Variants in SLIT3 observed in about 807,000 individuals in gnomAD.
The protein encoded by SLIT3 is slit guidance ligand 3, also known as slit homolog 3 protein.
Under a neutral mutation model 184.0 loss-of-function variants are expected in SLIT3, and 68 were observed. That is an observed-to-expected ratio of 0.37 (90% confidence interval 0.30 to 0.45). The LOEUF is 0.45. Among genes scored for constraint, SLIT3 ranks in the 20% least tolerant of loss-of-function variants. SLIT3 has a pLI of 1.00. For synonymous variants in SLIT3, 831 were observed against 828.6 expected (o/e 1.00, Z -0.05); for missense variants, 1,707 against 2,026.0 (o/e 0.84, Z 3.02).
chr5:169,195,570 A>T (rs1173838406), intron 3 of SLIT3, among the ~76,000 whole-genome samples: 1 of 152,232 alleles, frequency 6.6e-6, no homozygotes, highest in Admixed American at 6.5e-5. Flanking sequence ...TATGTTGCCC[A>T]GGCTGGAGTG....
chr5:168,969,519 GA>G (rs1397873939), intron 4 of SLIT3, among the ~76,000 whole-genome samples: 7 of 152,176 alleles, frequency 4.6e-5, no homozygotes, highest in African/African-American at 1.7e-4. Flanking sequence ...CCTGTTGAGG[GA>G]AAGAGCAGCA....
At chr5:168,728,296 A>ATATATATATG (rs1310303189) in intron 20 of SLIT3, among the ~76,000 whole-genome samples, 1 of 150,468 alleles carries the variant, frequency 6.6e-6, no homozygotes, top group East Asian at 2.0e-4. Flanking sequence ...ATATATATAT[A>ATATATATATG]TATATCCTCA....
chr5:168,768,273 G>A, intron 14 of SLIT3: 1 of 493,244 alleles, frequency 2.0e-6, no homozygotes. Context: ...AGGTCAGGAA[G>A]CAGCGTCAGA....
intron 1 of SLIT3, among the ~76,000 whole-genome samples, chr5:169,274,987 T>A (rs62376939): frequency 0.064 from 9,753 of 152,304 alleles, 463 homozygotes; most frequent in East Asian, 0.26. Flanking sequence ...TAATAAGTGA[T>A]CTATAAACGT....
At chr5:169,217,725 C>A (rs1444973912) in intron 3 of SLIT3, among the ~76,000 whole-genome samples, 1 of 152,198 alleles carries the variant, frequency 6.6e-6, no homozygotes. Flanking sequence ...AACACACAGG[C>A]CGCTCTGTGA....
chr5:168,848,475 C>A (rs1022250095), intron 5 of SLIT3, among the ~76,000 whole-genome samples: 1 of 152,054 alleles, frequency 6.6e-6, no homozygotes, highest in South Asian at 2.1e-4. Flanking sequence ...TTTTTGGAGG[C>A]CACTTTTATT....
chr5:169,109,902 C>T (rs1003346028), intron 4 of SLIT3, among the ~76,000 whole-genome samples: 4 of 152,148 alleles, frequency 2.6e-5, no homozygotes, highest in South Asian at 2.1e-4. Context: ...GGAGGGCTTA[C>T]CGTGTGCCAG....
chr5:168,955,648 CTGTGGAACCAACTTCCAAGTCTT>C (rs1347667363), intron 4 of SLIT3, among the ~76,000 whole-genome samples: 2 of 152,240 alleles, frequency 1.3e-5, no homozygotes, highest in African/African-American at 4.8e-5. Flanking sequence ...AGACCTGTCA[CTGTGGAACCAACTTCCAAGTCTT>C]TGTTGAGCCC....
chr5:169,097,817 G>C (rs980712356), intron 4 of SLIT3, among the ~76,000 whole-genome samples: 1 of 152,148 alleles, frequency 6.6e-6, no homozygotes, highest in Admixed American at 6.6e-5. Context: ...CCCTTTGTTA[G>C]GTCCAAACCC....
intron 4 of SLIT3, among the ~76,000 whole-genome samples, chr5:169,041,894 A>G (rs1250783422): frequency 6.6e-6 from 1 of 152,228 alleles, no homozygotes. Flanking sequence ...TTAGGAACCC[A>G]AGTGGATAGG....
chr5:168,691,414 C>T (rs1197205647), intron 29 of SLIT3, among the ~76,000 whole-genome samples: 1 of 152,212 alleles, frequency 6.6e-6, no homozygotes, highest in African/African-American at 2.4e-5. Flanking sequence ...GTCACAAATA[C>T]CCCCAGAGTC....
intron 4 of SLIT3, among the ~76,000 whole-genome samples, chr5:168,981,388 G>A (rs898899282): frequency 1.3e-5 from 2 of 152,188 alleles, no homozygotes; most frequent in African/African-American, 4.8e-5. Flanking sequence ...TCCCGGGATT[G>A]CAATGAGGCT....
At chr5:168,723,997 TG>T (rs1763029601) in intron 21 of SLIT3, among the ~76,000 whole-genome samples, 2 of 152,332 alleles carry the variant, frequency 1.3e-5, no homozygotes, top group African/African-American at 4.8e-5. Flanking sequence ...TTGTCAATAC[TG>T]GGGTAAGTAT....
At chr5:169,169,189 G>T (rs1023779688) in intron 4 of SLIT3, among the ~76,000 whole-genome samples, 2 of 152,160 alleles carry the variant, frequency 1.3e-5, no homozygotes, top group African/African-American at 4.8e-5. Flanking sequence ...AATGTGCTCC[G>T]TTCCCTGTCC....
intron 4 of SLIT3, among the ~76,000 whole-genome samples, chr5:169,183,970 C>T (rs1763250306): frequency 6.6e-6 from 1 of 152,362 alleles, no homozygotes; most frequent in Admixed American, 6.5e-5. Flanking sequence ...GAATGTACTT[C>T]TCAGTACAAG....
At chr5:169,259,521 G>C (rs752981105) in intron 1 of SLIT3, among the ~76,000 whole-genome samples, 17 of 152,220 alleles carry the variant, frequency 1.1e-4, no homozygotes, top group Non-Finnish European at 2.4e-4. Context: ...CCATTGCTCA[G>C]ACCAGACTTT....
At position 169,049,558 on chromosome 5, in the gene SLIT3, G is replaced by C. The variant is rs141684808; in HGVS notation, c.413+143921C>G. ...TGGAAAGAATTATCTGAAATGTAGA[G>C]AGCGCTGTAATTTTTCAAATAGTCA... On this transcript the variant is annotated intron_variant, in intron 4 of 35. Coordinates refer to ENST00000519560, the MANE Select transcript of SLIT3 (RefSeq NM_003062.4). Among the ~76,000 whole-genome samples the C allele has an allele frequency of 2.1e-4, 32 of 152,316 alleles. No individual in the cohort carries two copies. The East Asian group carries it at 5.6e-3, about 27-fold the overall frequency.
chr5:168,861,828 A>G (rs1293708593), intron 5 of SLIT3, among the ~76,000 whole-genome samples: 3 of 152,212 alleles, frequency 2.0e-5, no homozygotes, highest in Non-Finnish European at 4.4e-5. Context: ...AGAACATGTA[A>G]AGAGAGCCCA....
At chr5:169,036,125 T>C (rs1308987211) in intron 4 of SLIT3, 8 of 152,222 alleles carry the variant, frequency 5.3e-5, no homozygotes, top group Non-Finnish European at 1.2e-4. Context: ...CCCATCTGCT[T>C]TGTAGCCATT....
Sources: allele counts gnomAD v4.1 joint callset (sites outside exome capture counted in the v4.1 genomes callset), GRCh38; gene constraint gnomAD v4.1.1; transcripts MANE v1.5; gene names NCBI Gene and HGNC (gene_info 2026-07-23, HGNC 2026-07-21).